The following SYNRG variants were observed in gnomAD, a reference collection of about 807,000 sequenced individuals.
SYNRG encodes the protein synergin gamma, also known as AP1 gamma subunit binding protein 1.
In SYNRG, 37 loss-of-function variants were observed where a neutral mutation model predicts 130.9. The ratio of observed to expected loss-of-function variants is 0.28; its 90% CI spans 0.22 to 0.37. The LOEUF is 0.37. Ranked by LOEUF, SYNRG falls within the 10% of genes least tolerant of loss-of-function variation. SYNRG has a pLI of 1.00. For missense variants in SYNRG, 1,338 were observed against 1,588.9 expected, an observed-to-expected ratio of 0.84 and a Z score of 2.68; for synonymous variants, 539 against 568.1, an observed-to-expected ratio of 0.95 and a Z score of 0.73.
chr17:37,519,959 A>G (rs575214908), intron 21 of SYNRG, among the ~76,000 whole-genome samples: 1 of 152,320 alleles, frequency 6.6e-6, no homozygotes, highest in East Asian at 1.9e-4. Context: ...TAACTGCAAC[A>G]CCAGAAGCCA....
chr17:37,577,610 G>T lies in SYNRG; in HGVS notation c.593C>A (p.Pro198His). 6.2e-7 allele frequency: 1 copy of T among 1,612,778 alleles called. No individual in the cohort carries two copies. The highest frequency in any genetic ancestry group is 1.1e-5 in the South Asian group (1 of 91,040). The part of the protein sequence containing the change: ...TPASHPKKPG[P>H]SLEEKFLVSC... ...TACTAGGAACTTCTCCTCCAAGGAA[G>T]GGCCTAAACAAAGAGCATGAAGGAT... The change falls in exon 7 of 22, where the codon CCT becomes CAT. Residue 198 changes from proline to histidine, a missense_variant. Coordinates refer to ENST00000612223, the MANE Select transcript of SYNRG (RefSeq NM_007247.6).
intron 19 of SYNRG, among the ~76,000 whole-genome samples, chr17:37,526,738 A>G (rs1241836235): frequency 1.3e-5 from 2 of 152,142 alleles, no homozygotes; most frequent in Non-Finnish European, 2.9e-5. Flanking sequence ...CTGTTGTCAC[A>G]TCACTTTTTC....
At chr17:37,547,272 GA>G (rs1383107562) in intron 14 of SYNRG, among the ~76,000 whole-genome samples, 2 of 152,204 alleles carry the variant, frequency 1.3e-5, no homozygotes, top group African/African-American at 4.8e-5. Context: ...GAGGAAGACA[GA>G]AGGCCAAGGA....
intron 19 of SYNRG, among the ~76,000 whole-genome samples, chr17:37,534,586 T>C (rs890992012): frequency 3.9e-5 from 6 of 152,164 alleles, no homozygotes; most frequent in Non-Finnish European, 8.8e-5. Context: ...TTTTATCTCT[T>C]TTTTCAAATA....
At position 37,609,351 on chromosome 17, in the gene SYNRG, G is replaced by C; in HGVS notation, c.5C>G (p.Ala2Gly). 6.9e-7 allele frequency: 1 copy of C among 1,449,690 alleles called. No homozygotes were observed. The highest frequency in any genetic ancestry group is 9.0e-7 in the Non-Finnish European group (1 of 1,107,394). 89.8% of individuals were successfully genotyped at this position (1,449,690 alleles called of 1,614,324 possible). ...ACCAGAACCAGCTCCTGGCCGCAGC[G>C]CCATCTTGCTCCCGACCTGCCGCTG... M[A>G]LRPGAGSGGG... is the part of the protein sequence containing the mutation. Residue 2 changes from alanine (A) to glycine (G), a missense_variant, in exon 1 of 22, where the codon GCG (alanine) becomes GGG (glycine). Physicochemically the swap from Ala to Gly is moderately conservative, Grantham distance 60. Around this residue, in one of 3 missense-constraint regions of SYNRG, gnomAD observed 184 missense variants for 217.2 expected, o/e 0.85. Transcript: ENST00000612223.
intron 12 of SYNRG, 45 bp from the exon 13 acceptor site, chr17:37,561,302 A>C (rs1239092478): frequency 6.3e-7 from 1 of 1,593,358 alleles, no homozygotes; most frequent in Non-Finnish European, 8.6e-7. Context: ...AGGAATCTTG[A>C]AATCACAGCT....
rs1471034231 is a variant in SYNRG at position 37,548,230 on chromosome 17, CA to C, written c.2608+4884del. Among the ~76,000 whole-genome samples, 3 of 152,010 alleles carry C rather than the reference CA, an allele frequency of 2.0e-5. No individual in the cohort carries two copies. The East Asian group carries it at 5.8e-4, about 29-fold the overall frequency. ...GTTTTATAAATAGCACGGGAAAATC[CA>C]AAATAAAGGGCAGCTGGCATTATCA... is the stretch of plus-strand genomic sequence containing the variant. On this transcript the variant is annotated intron_variant, in intron 14 of 21. Transcript: ENST00000612223.
chr17:37,564,548 G>T (rs551053947), intron 11 of SYNRG, among the ~76,000 whole-genome samples: 13 of 152,254 alleles, frequency 8.5e-5, no homozygotes, highest in African/African-American at 3.1e-4. Flanking sequence ...AACTGGTGCC[G>T]TCCTTAACTA....
rs1597989575 is a variant in SYNRG at position 37,516,434 on chromosome 17, C to G, written c.*2506G>C. ...TTTCTGTTGACATCTGCTGAATTTT[C>G]CTGTGGCACCTCCCAAGGAGTGACT... On this transcript the variant is annotated 3_prime_UTR_variant, in exon 22 of 22. Coordinates refer to ENST00000612223, the MANE Select transcript of SYNRG (RefSeq NM_007247.6). The G allele has an allele frequency of 6.6e-6, 1 of 152,034 alleles. No homozygotes were observed. The highest frequency in any genetic ancestry group is 6.6e-5 in the Admixed American group (1 of 15,258). The allele number at this position is 152,034 out of a possible 1,614,324, so 9.4% of individuals were successfully genotyped here.
rs187863308 is a variant in SYNRG, at chr17:37,544,319, T to A, written c.2609-1754A>T. Among the ~76,000 whole-genome samples the A allele has an allele frequency of 6.3e-3, 950 of 151,882 alleles. 8 individuals carry two copies. Among genetic ancestry groups the A allele is most frequent in the Middle Eastern group, 0.037 (11 of 294 alleles). ...CAGGTGAAAAGTTTTTTTTTTTTTT[T>A]AATTGATTTTTTGAGATGGAGTTTC... On this transcript the variant is annotated intron_variant, in intron 14 of 21. Transcript: ENST00000612223.
chr17:37,605,832 C>T (rs1205235674), intron 1 of SYNRG: 21 of 985,150 alleles, frequency 2.1e-5, no homozygotes, highest in Non-Finnish European at 2.3e-5. Context: ...CTATCTCATC[C>T]GTCCCTCCTT....
rs1361629062 is a variant in SYNRG at position 37,590,253 on chromosome 17, G to A, written c.241-3704C>T. 2.0e-5 allele frequency among the ~76,000 whole-genome samples: 3 copies of A among 151,004 alleles called. No individual in the cohort carries two copies. In the East Asian group the frequency reaches 5.8e-4, roughly 29 times the overall value. On this transcript the variant is annotated intron_variant, in intron 3 of 21. Transcript: ENST00000612223. ...AGGTAGGGAAGAATGTCTTAGATAA[G>A]TCAGAAAAAAAAAGAAATGATTTAT...
chr17:37,585,375 A>G lies in SYNRG; in HGVS notation c.427T>C (p.Phe143Leu). The G allele has an allele frequency of 1.2e-6, 2 of 1,613,910 alleles. No homozygotes were observed. The highest frequency in any genetic ancestry group is 1.7e-6 in the Non-Finnish European group (2 of 1,180,008). ...LLEEERKRRQ[F>L]EEQKQKLRLL... The stretch of plus-strand genomic sequence containing the variant: ...CTGAGCTTTTGCTTCTGCTCTTCAA[A>G]CTGGCGTCTTTTTCTTTCTTCTTCT... The change falls in exon 5 of 22, where the codon TTT becomes CTT. Residue 143 changes from phenylalanine to leucine, a missense_variant. Phe to Leu is a conservative substitution (Grantham distance 22, BLOSUM62 0). Transcript: ENST00000612223.
intron 14 of SYNRG, among the ~76,000 whole-genome samples, chr17:37,552,435 T>A (rs2058778059): frequency 6.6e-6 from 1 of 152,262 alleles, no homozygotes; most frequent in East Asian, 1.9e-4. Context: ...ATCAGAAAGT[T>A]AGCAGTTACC....
At chr17:37,579,633 T>G (rs2061129872) in intron 6 of SYNRG, among the ~76,000 whole-genome samples, 1 of 152,270 alleles carries the variant, frequency 6.6e-6, no homozygotes, top group Non-Finnish European at 1.5e-5. Context: ...CACAATTTTA[T>G]GTCTTTTTAA....
chr17:37,576,603 T>A (rs1035345910), intron 7 of SYNRG, 185 bp from the exon 8 acceptor site: 15 of 503,914 alleles, frequency 3.0e-5, no homozygotes, highest in Non-Finnish European at 5.2e-5. Flanking sequence ...AAGCAACTCT[T>A]GTACGTTAAC....
chr17:37,537,076 G>C (rs2057259402), intron 18 of SYNRG: 1 of 152,254 alleles, frequency 6.6e-6, no homozygotes, highest in African/African-American at 2.4e-5. Flanking sequence ...TAGGAGAAAA[G>C]ACAGGTGCCC....
chr17:37,538,678 CCT>C (rs1418310712), intron 17 of SYNRG, among the ~76,000 whole-genome samples: 3 of 152,140 alleles, frequency 2.0e-5, no homozygotes, highest in African/African-American at 4.8e-5. Flanking sequence ...TCACTGAACC[CCT>C]GACTCCCGGG....
intron 8 of SYNRG, among the ~76,000 whole-genome samples, chr17:37,574,530 A>G (rs1406847014): frequency 2.6e-5 from 4 of 152,220 alleles, no homozygotes; most frequent in African/African-American, 9.6e-5. Context: ...ACCAAAATAT[A>G]TAAGAAGCTC....
Sources: allele counts gnomAD v4.1 joint callset (sites outside exome capture counted in the v4.1 genomes callset), GRCh38; gene constraint gnomAD v4.1.1; regional missense constraint gnomAD v4.1.1; transcripts MANE v1.5; gene names NCBI Gene and HGNC (gene_info 2026-07-23, HGNC 2026-07-21).